The following SLK variants were observed in gnomAD, a reference collection of about 807,000 sequenced individuals.
SLK encodes the protein STE20 like kinase, also known as STE20-like serine/threonine-protein kinase.
SLK carries 67 observed loss-of-function variants against 147.7 expected under a neutral mutation model. The observed-to-expected ratio is 0.45, with a 90% CI of 0.37 to 0.56. The LOEUF is 0.56. Among genes scored for constraint, SLK ranks in the 20% least tolerant of loss-of-function variants. SLK has a pLI of 0.00. For missense variants in SLK, 1,136 were observed against 1,438.8 expected, an observed-to-expected ratio of 0.79 and a Z score of 3.41; for synonymous variants, 441 against 475.0, an observed-to-expected ratio of 0.93 and a Z score of 0.93.
intron 1 of SLK, among the ~76,000 whole-genome samples, chr10:103,973,198 G>T (rs1843816902): frequency 6.6e-6 from 1 of 152,166 alleles, no homozygotes; most frequent in Admixed American, 6.5e-5. Context: ...ACCTAGAATA[G>T]ATGTTTGTAA....
intron 13 of SLK, among the ~76,000 whole-genome samples, chr10:104,014,006 C>G (rs1024062327): frequency 6.6e-6 from 1 of 152,154 alleles, no homozygotes; most frequent in Non-Finnish European, 1.5e-5. Flanking sequence ...AACGGTAGAG[C>G]TGGAACTAGA....
intron 2 of SLK, among the ~76,000 whole-genome samples, chr10:103,992,136 C>CTTATTTTTTTTT (rs1844101959): frequency 4.1e-5 from 1 of 24,364 alleles, no homozygotes; most frequent in South Asian, 1.3e-3. Flanking sequence ...GTGGGTATTT[C>CTTATTTTTTTTT]TTCTGTTTTT....
Position 103,999,150 on chromosome 10 carries a change from T to A in SLK, c.619T>A (p.Ser207Thr), listed in dbSNP as rs1205312372. ...TCCTGAAGTAGTCATGTGTGAAACATCTAAGGACAGACCCTATGACTACAA... is the reference window on the plus strand; with the variant it reads ...TCCTGAAGTAGTCATGTGTGAAACAACTAAGGACAGACCCTATGACTACAA... ...MAPEVVMCETSKDRPYDYKAD... is the reference protein window; with the variant it reads ...MAPEVVMCETTKDRPYDYKAD... Residue 207 changes from serine (S) to threonine (T), a missense_variant, in exon 6 of 19, where the codon TCT becomes ACT. Ser to Thr is a moderately conservative substitution (Grantham distance 58, BLOSUM62 1). This residue lies in a region of SLK where 141 missense variants were observed against 219.3 expected (regional missense o/e 0.64). Coordinates refer to ENST00000369755, the MANE Select transcript of SLK (RefSeq NM_014720.4). The A allele has an allele frequency of 6.2e-7, 1 of 1,612,006 alleles. No homozygotes were observed. Among genetic ancestry groups the A allele is most frequent in the Admixed American group, 1.7e-5 (1 of 59,626 alleles).
chr10:103,999,118 G>A lies in SLK; in HGVS notation c.588-1G>A, dbSNP rs770239250. The A allele has an allele frequency of 6.2e-7, 1 of 1,602,556 alleles. No individual in the cohort carries two copies. Among genetic ancestry groups the A allele is most frequent in the Non-Finnish European group, 8.5e-7 (1 of 1,174,464 alleles). On this transcript the variant is annotated splice_acceptor_variant, in intron 5 of 18. Transcript: ENST00000369755. LOFTEE classifies it high-confidence loss of function. ...TAACTTTTAATTATCTGTCTTCATA[G>A]GATGGCTCCTGAAGTAGTCATGTGT...
intron 12 of SLK, among the ~76,000 whole-genome samples, chr10:104,009,294 T>C (rs1055200641): frequency 4.6e-5 from 7 of 152,176 alleles, no homozygotes; most frequent in Non-Finnish European, 7.4e-5. Flanking sequence ...AACTAATAAA[T>C]GCATTTTCAC....
intron 11 of SLK, 77 bp from the exon 12 acceptor site, chr10:104,008,100 C>T (rs1844351923): frequency 2.6e-6 from 3 of 1,136,224 alleles, no homozygotes; most frequent in East Asian, 4.8e-5. Flanking sequence ...GTTATGTTCT[C>T]TTAGGAAACA....
chr10:104,023,997 C>T (rs895294541), intron 18 of SLK, among the ~76,000 whole-genome samples: 1 of 152,104 alleles, frequency 6.6e-6, no homozygotes, highest in African/African-American at 2.4e-5. Context: ...TGCAGGCCCA[C>T]TCACTGCCAG....
At chr10:104,001,324 T>C in intron 7 of SLK, 120 bp from the exon 8 acceptor site, 1 of 774,996 alleles carries the variant, frequency 1.3e-6, no homozygotes, top group Non-Finnish European at 2.1e-6. Context: ...TGAAGTTTTC[T>C]GTCATTTTCC....
chr10:103,975,629 T>C (rs1843860161), intron 1 of SLK, among the ~76,000 whole-genome samples: 1 of 152,256 alleles, frequency 6.6e-6, no homozygotes, highest in Non-Finnish European at 1.5e-5. Flanking sequence ...TGTGTTGGGC[T>C]TCTTTTGCCA....
intron 13 of SLK, among the ~76,000 whole-genome samples, chr10:104,015,148 A>G (rs1844446154): frequency 6.6e-6 from 1 of 152,174 alleles, no homozygotes; most frequent in Admixed American, 6.5e-5. Context: ...AATCCTTTAT[A>G]CAGTGTCCGA....
intron 13 of SLK, among the ~76,000 whole-genome samples, chr10:104,016,251 G>A (rs990987431): frequency 6.6e-5 from 10 of 152,024 alleles, no homozygotes; most frequent in East Asian, 1.9e-4. Context: ...CCCGGGAGGC[G>A]GAGCTTGCAG....
At chr10:104,000,032 C>A in intron 7 of SLK, 84 bp downstream of exon 7, 2 of 619,886 alleles carry the variant, frequency 3.2e-6, no homozygotes, top group Non-Finnish European at 5.5e-6. Context: ...TTTCTTTCCA[C>A]TTAAATTTCC....
chr10:103,977,739 C>T (rs998598225), intron 1 of SLK, among the ~76,000 whole-genome samples: 1 of 151,960 alleles, frequency 6.6e-6, no homozygotes, highest in Non-Finnish European at 1.5e-5. Context: ...TGGGATAGTT[C>T]TTCCATTATG....
At chr10:104,011,790 G>A (rs1161966703) in intron 13 of SLK, among the ~76,000 whole-genome samples, 3 of 152,140 alleles carry the variant, frequency 2.0e-5, no homozygotes, top group East Asian at 3.8e-4. Flanking sequence ...TCGATCTCTT[G>A]ACCTCGTGAT....
chr10:103,980,449 C>A lies in SLK; in HGVS notation c.151-10226C>A, dbSNP rs531077053. 3.3e-5 allele frequency among the ~76,000 whole-genome samples: 5 copies of A among 152,250 alleles called. No homozygotes were observed. The East Asian group carries it at 9.6e-4, about 29-fold the overall frequency. On this transcript the variant is annotated intron_variant, in intron 1 of 18. Transcript: ENST00000369755. ...ACTGTCTGTCCATCATGCCTCTTAT[C>A]TTTTAAAATGAAACTCTACCGTGTT...
At chr10:103,970,365 T>G (rs928447697) in intron 1 of SLK, among the ~76,000 whole-genome samples, 7 of 152,212 alleles carry the variant, frequency 4.6e-5, no homozygotes, top group African/African-American at 1.7e-4. Context: ...ACTGAGACAT[T>G]AATTGAAAAA....
chr10:103,993,121 G>T lies in SLK; in HGVS notation c.502G>T (p.Asp168Tyr), dbSNP rs144641250. ...AGNILFTLDG[D>Y]IKLADFGVSA... ...CAACATTCTCTTTACCTTAGATGGA[G>T]ATATCAAATTGGGTAAGTTATTCAC... Residue 168 changes from aspartate (D) to tyrosine (Y), a missense_variant, in exon 4 of 19, where the codon GAT becomes TAT. Asp to Tyr is a radical substitution (Grantham distance 160, BLOSUM62 -3). This residue lies in a region of SLK where 141 missense variants were observed against 219.3 expected (regional missense o/e 0.64). Transcript: ENST00000369755. The T allele has an allele frequency of 6.2e-7, 1 of 1,602,004 alleles. No homozygotes were observed. The highest frequency in any genetic ancestry group is 8.5e-7 in the Non-Finnish European group (1 of 1,174,390).
intron 11 of SLK, among the ~76,000 whole-genome samples, chr10:104,006,751 GT>G (rs1316872729): frequency 6.6e-6 from 1 of 152,160 alleles, no homozygotes; most frequent in African/African-American, 2.4e-5. Context: ...GATAAAGATT[GT>G]TTTGTGTGAA....
intron 11 of SLK, among the ~76,000 whole-genome samples, chr10:104,007,835 C>T (rs1007904329): frequency 6.6e-6 from 1 of 151,166 alleles, no homozygotes; most frequent in Non-Finnish European, 1.5e-5. Context: ...CACTGTAGTC[C>T]CAGCTACTTG....
Sources: gnomAD v4.1 joint callset for allele counts (sites outside exome capture counted in the v4.1 genomes callset) on GRCh38, gnomAD v4.1.1 for gene constraint, gnomAD v4.1.1 regional missense constraint, MANE v1.5 for transcripts, NCBI Gene and HGNC (gene_info 2026-07-23, HGNC 2026-07-21) for gene names.